KIR3DL2: variants seen among roughly 807,000 people sequenced by gnomAD.
KIR3DL2 encodes killer cell immunoglobulin like receptor, three Ig domains and long cytoplasmic tail 2.
A neutral mutation model predicts 41.6 loss-of-function variants in KIR3DL2; 42 were observed. The ratio of observed to expected loss-of-function variants is 1.01; its 90% confidence interval spans 0.79 to 1.31. The LOEUF is 1.31. Ranked by LOEUF, KIR3DL2 falls within the 50% of genes most tolerant of loss-of-function variation. The pLI, the probability that KIR3DL2 is intolerant of heterozygous loss-of-function variation, is 0.00. For synonymous variants in KIR3DL2, 230 were observed against 221.3 expected, an observed-to-expected ratio of 1.04 and a Z score of -0.35; for missense variants, 728 against 576.8, an observed-to-expected ratio of 1.26 and a Z score of -2.68.
At chr19:54,861,184 A>C (rs2065151266) in intron 6 of KIR3DL2, among the ~76,000 whole-genome samples, 1 of 147,988 alleles carries the variant, frequency 6.8e-6, no homozygotes, top group Non-Finnish European at 1.5e-5. Context: ...TATGTTTGTG[A>C]GGTAGAATCA....
Position 54,866,918 on chromosome 19 carries a change from C to G in KIR3DL2, c.*187C>G, listed in dbSNP as rs1402273969. On this transcript the variant is annotated 3_prime_UTR_variant, in exon 9 of 9. Coordinates refer to ENST00000326321, the MANE Select transcript of KIR3DL2 (RefSeq NM_006737.4). ...GCTGCAGAGAAAACACACTCCTTTG[C>G]TTAGCCCACAAGTATCTATTTCACT... 2.9e-6 allele frequency: 2 copies of G among 686,662 alleles called. No individual in the cohort carries two copies. Among genetic ancestry groups the G allele is most frequent in the Non-Finnish European group, 4.9e-6 (2 of 411,148 alleles). The allele number at this position is 686,662 out of a possible 1,614,324, so 42.5% of individuals were successfully genotyped here.
In KIR3DL2 at chr19:54,852,101, C is replaced by A; in HGVS notation, c.174C>A (p.Phe58Leu). The A allele has an allele frequency of 6.2e-7, 1 of 1,612,946 alleles. No homozygotes were observed. ...ACTATCGTCGTGGGTTTAACAATTT[C>A]ATGCTGTACAAAGAAGACAGAAGCC... The part of the protein sequence containing the change: ...QCHYRRGFNN[F>L]MLYKEDRSHV... Residue 58 changes from phenylalanine to leucine, a missense_variant, in exon 3 of 9, where the codon TTC becomes TTA. Transcript: ENST00000326321.
chr19:54,852,515 G>A (rs1320466611), intron 3 of KIR3DL2, among the ~76,000 whole-genome samples: 8 of 151,820 alleles, frequency 5.3e-5, no homozygotes, highest in Admixed American at 1.3e-4. Context: ...GGGGACTGAA[G>A]GGGAAGGTGG....
chr19:54,852,940 C>T (rs1381913663), intron 3 of KIR3DL2, among the ~76,000 whole-genome samples: 1 of 150,878 alleles, frequency 6.6e-6, no homozygotes. Flanking sequence ...AGGTCAAGGA[C>T]AAGCTAGGAA....
intron 7 of KIR3DL2, among the ~76,000 whole-genome samples, chr19:54,866,166 G>A (rs2065498092): frequency 6.6e-6 from 1 of 152,028 alleles, no homozygotes; most frequent in African/African-American, 2.4e-5. Flanking sequence ...GCAGAAAGTG[G>A]GAGACAGAAT....
At position 54,855,815 on chromosome 19, in the gene KIR3DL2, T is replaced by C. The variant is rs1291099342; in HGVS notation, c.852T>C (p.Pro284=). The C allele has an allele frequency of 2.5e-6, 4 of 1,613,384 alleles. No individual in the cohort carries two copies. The highest frequency in any genetic ancestry group is 3.4e-6 in the Non-Finnish European group (4 of 1,179,950). ...RTFQADFPLG[P]ATHGGTYRCF... Reference sequence around the variant, plus strand: ...TCCAGGCAGACTTTCCTCTGGGCCCTGCCACCCACGGAGGGACCTACAGAT... The same window carrying C: ...TCCAGGCAGACTTTCCTCTGGGCCCCGCCACCCACGGAGGGACCTACAGAT... Residue 284 remains proline, a synonymous_variant, in exon 5 of 9, where the codon CCT becomes CCC. Transcript: ENST00000326321.
chr19:54,856,636 A>G (rs1235056245), intron 5 of KIR3DL2, among the ~76,000 whole-genome samples: 2 of 152,158 alleles, frequency 1.3e-5, no homozygotes, highest in East Asian at 3.9e-4. Flanking sequence ...CTGAGCCGAG[A>G]TCATGCCACT....
At chr19:54,851,151 T>C (rs1296547732) in intron 1 of KIR3DL2, 69 bp from the exon 2 acceptor site, 26 of 1,578,196 alleles carry the variant, frequency 1.6e-5, no homozygotes, top group African/African-American at 2.7e-5. Flanking sequence ...AGACACACAG[T>C]GCAGTGGGGG....
chr19:54,850,978 T>G (rs1445075538), intron 1 of KIR3DL2, among the ~76,000 whole-genome samples: 1 of 147,212 alleles, frequency 6.8e-6, no homozygotes, highest in Non-Finnish European at 1.5e-5. Flanking sequence ...GGAGTGGAGA[T>G]AGGGGCCTGG....
chr19:54,857,464 G>A (rs1195476582), intron 5 of KIR3DL2, among the ~76,000 whole-genome samples: 1 of 151,224 alleles, frequency 6.6e-6, no homozygotes, highest in Non-Finnish European at 1.5e-5. Context: ...CTACCAACAG[G>A]GTACCAGGGT....
chr19:54,861,822 A>T (rs1004535550), intron 6 of KIR3DL2, among the ~76,000 whole-genome samples: 7 of 151,610 alleles, frequency 4.6e-5, no homozygotes, highest in African/African-American at 1.7e-4. Flanking sequence ...TGAACATGAG[A>T]TCATATGGAA....
At chr19:54,852,393 T>C in intron 3 of KIR3DL2, 111 bp downstream of exon 3, 1 of 1,422,120 alleles carries the variant, frequency 7.0e-7, no homozygotes, top group Non-Finnish European at 9.5e-7. Context: ...GTATTTGGGG[T>C]CAAGGGAGAT....
At chr19:54,852,619 T>A (rs1490106722) in intron 3 of KIR3DL2, among the ~76,000 whole-genome samples, 11 of 149,580 alleles carry the variant, frequency 7.4e-5, no homozygotes, top group East Asian at 5.8e-4. Flanking sequence ...GCGTGAGAGG[T>A]GGAGGAAGAG....
intron 6 of KIR3DL2, among the ~76,000 whole-genome samples, chr19:54,862,802 C>CTTTTTTTTTT (rs1210198153): frequency 1.0e-4 from 8 of 79,760 alleles, no homozygotes; most frequent in Non-Finnish European, 1.6e-4. Flanking sequence ...TGGGTTACTT[C>CTTTTTTTTTT]TTTTTTTTTT....
chr19:54,854,973 A>G (rs2064618483), intron 4 of KIR3DL2, among the ~76,000 whole-genome samples: 1 of 151,716 alleles, frequency 6.6e-6, no homozygotes, highest in Admixed American at 6.6e-5. Flanking sequence ...GATAGATGAT[A>G]AATAGGTAGA....
At position 54,852,037 on chromosome 19, in the gene KIR3DL2, C is replaced by T; in HGVS notation, c.110C>T (p.Thr37Ile). Reference protein sequence around the residue: ...DKPFLSARPSTVVPRGGHVAL... With the variant: ...DKPFLSARPSIVVPRGGHVAL... ...CCCTTCCTGTCTGCCCGGCCCAGCA[C>T]TGTGGTGCCTCGAGGAGGACACGTG... The change falls in exon 3 of 9, where the codon ACT (threonine) becomes ATT (isoleucine). Residue 37 changes from threonine (T) to isoleucine (I), a missense_variant. Transcript: ENST00000326321. 1 of 1,611,938 alleles carries T rather than the reference C, an allele frequency of 6.2e-7. No homozygotes were observed. The highest frequency in any genetic ancestry group is 8.5e-7 in the Non-Finnish European group (1 of 1,178,950).
At chr19:54,863,317 C>G (rs1290836843) in intron 6 of KIR3DL2, among the ~76,000 whole-genome samples, 3 of 151,930 alleles carry the variant, frequency 2.0e-5, no homozygotes, top group Admixed American at 1.3e-4. Context: ...AATAAACATA[C>G]GTGTCCATGT....
chr19:54,864,750 A>C (rs184636965), intron 6 of KIR3DL2, among the ~76,000 whole-genome samples: 1 of 152,048 alleles, frequency 6.6e-6, no homozygotes, highest in Admixed American at 6.5e-5. Context: ...GCTTAAGGAG[A>C]TTTTGGGCTG....
intron 7 of KIR3DL2, 56 bp from the exon 8 acceptor site, chr19:54,866,314 A>T (rs1483973270): frequency 1.9e-6 from 3 of 1,594,922 alleles, no homozygotes; most frequent in Admixed American, 3.4e-5. Flanking sequence ...TCTGCCCATG[A>T]AATGAGGACC....
Sources: gnomAD v4.1 joint callset for allele counts (sites outside exome capture counted in the v4.1 genomes callset) on GRCh38, gnomAD v4.1.1 for gene constraint, MANE v1.5 for transcripts, NCBI Gene and HGNC (gene_info 2026-07-23, HGNC 2026-07-21) for gene names.